The following IL1RAP variants were observed in gnomAD, a reference collection of about 807,000 sequenced individuals.
IL1RAP encodes interleukin 1 receptor accessory protein, also known as interleukin-1 receptor accessory protein.
IL1RAP carries 35 observed loss-of-function variants against 60.7 expected under a neutral mutation model. The observed-to-expected ratio is 0.58, with a 90% CI of 0.44 to 0.76. IL1RAP has a LOEUF of 0.76. IL1RAP is among the 30% of genes least tolerant of loss of function. IL1RAP has a pLI of 0.00. For synonymous variants in IL1RAP, 268 were observed against 250.9 expected (o/e 1.07, Z -0.64); for missense variants, 572 against 693.9 (o/e 0.82, Z 1.97).
chr3:190,655,329 A>C (rs1239434699), downstream of IL1RAP, among the ~76,000 whole-genome samples: 2 of 152,178 alleles, frequency 1.3e-5, no homozygotes, highest in Non-Finnish European at 2.9e-5. Flanking sequence ...TCATTTATGG[A>C]ATAAGAGAAA....
At chr3:190,522,358 G>A (rs79111203) in intron 1 of IL1RAP, among the ~76,000 whole-genome samples, 4 of 109,968 alleles carry the variant, frequency 3.6e-5, no homozygotes, top group Admixed American at 1.1e-4. Flanking sequence ...CCCTCCCTTC[G>A]TTCCTCTTCC....
At chr3:190,545,354 T>C (rs1278581574) in intron 1 of IL1RAP, among the ~76,000 whole-genome samples, 1 of 152,160 alleles carries the variant, frequency 6.6e-6, no homozygotes, top group Non-Finnish European at 1.5e-5. Context: ...ACTGATATGA[T>C]TATTATTCCA....
intron 8 of IL1RAP, 122 bp downstream of exon 8, chr3:190,627,571 C>T: frequency 8.0e-7 from 1 of 1,257,458 alleles, no homozygotes; most frequent in Non-Finnish European, 1.1e-6. Context: ...CAAAAATCGG[C>T]AAGATTTTCA....
intron 1 of IL1RAP, among the ~76,000 whole-genome samples, chr3:190,539,483 C>G (rs1183024129): frequency 6.6e-6 from 1 of 152,168 alleles, no homozygotes; most frequent in East Asian, 1.9e-4. Flanking sequence ...CCCACTTCCC[C>G]TGGTATTGCT....
chr3:190,651,754 T>G (rs895211314), downstream of IL1RAP, among the ~76,000 whole-genome samples: 1 of 151,544 alleles, frequency 6.6e-6, no homozygotes, highest in African/African-American at 2.4e-5. Context: ...GGACATATTT[T>G]ATGGGTGTAT....
intron 3 of IL1RAP, among the ~76,000 whole-genome samples, chr3:190,598,066 C>T (rs1266268051): frequency 6.6e-6 from 1 of 152,092 alleles, no homozygotes; most frequent in Non-Finnish European, 1.5e-5. Flanking sequence ...TGATCTGTGG[C>T]CCAAGTTGGA....
rs34872356 is a variant in IL1RAP, at chr3:190,576,383, T to TACACACAC, written c.64+12037_64+12044dup. 8.3e-3 allele frequency among the ~76,000 whole-genome samples: 1,254 copies of TACACACAC among 151,400 alleles called. 24 individuals carry two copies. Among genetic ancestry groups the TACACACAC allele is most frequent in the African/African-American group, 0.03 (1,228 of 41,292 alleles). Reference sequence around the variant, plus strand: ...AATGCAAGGAGCTATTATATATATATACACACACACACACGCACATTTTAA... The same window carrying TACACACAC: ...AATGCAAGGAGCTATTATATATATATACACACACACACACACACACACGCACATTTTAA... On this transcript the variant is annotated intron_variant, in intron 3 of 11. Transcript: ENST00000447382.
intron 6 of IL1RAP, among the ~76,000 whole-genome samples, chr3:190,620,912 T>C (rs1731722975): frequency 6.6e-6 from 1 of 152,240 alleles, no homozygotes; most frequent in Admixed American, 6.5e-5. Flanking sequence ...TTTTTCTACA[T>C]ACTGAAACTG....
intron 3 of IL1RAP, among the ~76,000 whole-genome samples, chr3:190,598,276 A>G (rs1729555351): frequency 6.6e-6 from 1 of 152,212 alleles, no homozygotes; most frequent in Admixed American, 6.5e-5. Context: ...AACAAACAGT[A>G]TAATGAAATT....
chr3:190,557,033 G>A (rs954314826), intron 2 of IL1RAP, among the ~76,000 whole-genome samples: 2 of 152,134 alleles, frequency 1.3e-5, no homozygotes, highest in Non-Finnish European at 2.9e-5. Context: ...TGGAGAGAGG[G>A]TACAATGGAA....
rs1212849292 is a variant in IL1RAP, at chr3:190,649,295, T to C, written c.*590T>C. 2 of 985,034 alleles carry C rather than the reference T, an allele frequency of 2.0e-6. No individual in the cohort carries two copies. The highest frequency in any genetic ancestry group is 2.3e-4 in the East Asian group (2 of 8,824). The allele number at this position is 985,034 out of a possible 1,614,324, so 61.0% of individuals were successfully genotyped here. A position where few individuals can be genotyped will look rare whatever the true frequency, so the allele number is the denominator to read the frequency against. ...TTTCTTTTAATTGATTTAAAGGACT[T>C]GTCTTCTATACCACCCTTGTCCTCA... is the stretch of plus-strand genomic sequence containing the variant. On this transcript the variant is annotated 3_prime_UTR_variant, in exon 12 of 12. Transcript: ENST00000447382.
intron 3 of IL1RAP, among the ~76,000 whole-genome samples, chr3:190,596,089 A>T (rs1011393223): frequency 6.6e-6 from 1 of 152,234 alleles, no homozygotes; most frequent in African/African-American, 2.4e-5. Flanking sequence ...GCACATGGAA[A>T]ATAATTAACT....
intron 1 of IL1RAP, among the ~76,000 whole-genome samples, chr3:190,547,991 C>A (rs905169024): frequency 4.6e-5 from 7 of 152,100 alleles, no homozygotes; most frequent in African/African-American, 1.7e-4. Context: ...CTGAGGCCCT[C>A]TTCTGCTGGA....
chr3:190,567,125 G>C (rs1392283068), intron 3 of IL1RAP, among the ~76,000 whole-genome samples: 1 of 152,182 alleles, frequency 6.6e-6, no homozygotes, highest in African/African-American at 2.4e-5. Flanking sequence ...CATGCAATGT[G>C]TTTTCACACG....
exon 12 of IL1RAP, chr3:190,657,587 A>C (rs1734655968): frequency 6.6e-6 from 1 of 152,364 alleles, no homozygotes; most frequent in East Asian, 1.9e-4. Context: ...GCCAGATACC[A>C]GCTTATTTTA....
At chr3:190,617,521 T>C (rs1731382729) in intron 5 of IL1RAP, among the ~76,000 whole-genome samples, 2 of 152,198 alleles carry the variant, frequency 1.3e-5, no homozygotes, top group East Asian at 1.9e-4. Context: ...TCAACTAGGA[T>C]TGTTTGTCTT....
chr3:190,519,814 C>A (rs1052786699), intron 1 of IL1RAP, among the ~76,000 whole-genome samples: 2 of 152,060 alleles, frequency 1.3e-5, no homozygotes, highest in African/African-American at 2.4e-5. Flanking sequence ...TTTTGTTCAT[C>A]CCCATTGGGC....
intron 11 of IL1RAP, among the ~76,000 whole-genome samples, 157 bp downstream of exon 11, chr3:190,645,999 G>T (rs1180037512): frequency 6.6e-6 from 1 of 152,250 alleles, no homozygotes; most frequent in South Asian, 2.1e-4. Context: ...AAACTACGTT[G>T]GAAATGTATA....
At chr3:190,564,129 C>A in intron 2 of IL1RAP, 160 bp from the exon 3 acceptor site, 2 of 568,300 alleles carry the variant, frequency 3.5e-6, no homozygotes, top group African/African-American at 1.9e-5. Context: ...CAAAATAAAA[C>A]CTGTCTTATT....
Sources: gnomAD v4.1 joint callset for allele counts (sites outside exome capture counted in the v4.1 genomes callset) on GRCh38, gnomAD v4.1.1 for gene constraint, MANE v1.5 for transcripts, NCBI Gene and HGNC (gene_info 2026-07-23, HGNC 2026-07-21) for gene names.